CDC20: variants seen among roughly 807,000 people sequenced by gnomAD.
The protein encoded by CDC20 is cell division cycle protein 20 homolog.
A neutral mutation model predicts 60.0 loss-of-function variants in CDC20; 34 were observed. The observed-to-expected ratio is 0.57, with a 90% CI of 0.43 to 0.75. CDC20 has a LOEUF of 0.75. CDC20 is among the 30% of genes least tolerant of loss of function. The pLI, the probability that CDC20 is intolerant of heterozygous loss-of-function variation, is 0.00. For synonymous variants in CDC20, 198 were observed against 243.5 expected, an observed-to-expected ratio of 0.81 and a Z score of 1.74; for missense variants, 469 against 647.3, an observed-to-expected ratio of 0.72 and a Z score of 2.99.
rs1450739297 is a variant in CDC20 at position 43,359,650 on chromosome 1, A to C, written c.330+12A>C. On this transcript the variant is annotated intron_variant, in intron 3 of 10. Coordinates refer to ENST00000310955, the MANE Select transcript of CDC20 (RefSeq NM_001255.3). Reference sequence around the variant, plus strand: ...CGCCCACCAAGAAGGTATGTGTCCCAGAGGGGCTTAAGGCACGGGACCTGA... The same window carrying C: ...CGCCCACCAAGAAGGTATGTGTCCCCGAGGGGCTTAAGGCACGGGACCTGA... 6.2e-7 allele frequency: 1 copy of C among 1,613,798 alleles called. No homozygotes were observed. The highest frequency in any genetic ancestry group is 8.5e-7 in the Non-Finnish European group (1 of 1,180,018).
intron 10 of CDC20, among the ~76,000 whole-genome samples, chr1:43,362,565 T>C (rs566060792): frequency 2.0e-5 from 3 of 152,230 alleles, no homozygotes; most frequent in Admixed American, 6.5e-5. Flanking sequence ...AGTAACACCA[T>C]TGAAAAAAAA....
chr1:43,359,374 C>T lies in CDC20; in HGVS notation c.159C>T (p.Gly53=). 2 of 1,612,886 alleles carry T rather than the reference C, an allele frequency of 1.2e-6. No individual in the cohort carries two copies. Among genetic ancestry groups the T allele is most frequent in the Non-Finnish European group, 1.7e-6 (2 of 1,179,584 alleles). The change falls in exon 2 of 11, where the codon GGC becomes GGT. Residue 53 remains glycine, a synonymous_variant. Coordinates refer to ENST00000310955, the MANE Select transcript of CDC20 (RefSeq NM_001255.3). ...MRAANRSHSA[G]RTPGRTPGKS... ...CCGCCAACCGATCCCACAGCGCCGG[C>T]AGGACTCCGGGCCGAACTCCTGGTC...
Position 43,360,296 on chromosome 1 carries a change from G to C in CDC20, c.660G>C (p.Leu220Phe), listed in dbSNP as rs774793275. The C allele has an allele frequency of 1.2e-6, 2 of 1,614,096 alleles. No individual in the cohort carries two copies. Among genetic ancestry groups the C allele is most frequent in the East Asian group, 4.5e-5 (2 of 44,904 alleles). ...GCTCTGGTGACATCCTGCAGCTTTT[G>C]CAAATGGAGCAGCCTGGGGAATATA... ...SASSGDILQL[L>F]QMEQPGEYIS... Residue 220 changes from leucine (L) to phenylalanine (F), a missense_variant, in exon 6 of 11, where the codon TTG becomes TTC. Physicochemically the swap from Leu to Phe is conservative, Grantham distance 22. Around this residue, in one of 5 missense-constraint regions of CDC20, gnomAD observed 255 missense variants for 326.7 expected, o/e 0.78. Coordinates refer to ENST00000310955, the MANE Select transcript of CDC20 (RefSeq NM_001255.3).
rs1035041436 is a variant in CDC20 at position 43,358,981 on chromosome 1, C to T, written c.-75C>T. ...AGGCGTAAGCCAGGCGTGTTAAAGC[C>T]GGTCGGAACTGCTCCGGAGGGCACG... is the stretch of plus-strand genomic sequence containing the variant. On this transcript the variant is annotated 5_prime_UTR_variant, in exon 1 of 11. Coordinates refer to ENST00000310955, the MANE Select transcript of CDC20 (RefSeq NM_001255.3). The T allele has an allele frequency of 5.1e-6, 3 of 590,640 alleles. No individual in the cohort carries two copies. The highest frequency in any genetic ancestry group is 3.1e-5 in the Admixed American group (1 of 32,648). 36.6% of individuals were successfully genotyped at this position (590,640 alleles called of 1,614,324 possible).
At position 43,360,501 on chromosome 1, in the gene CDC20, A is replaced by G. The variant is rs750654974; in HGVS notation, c.756A>G (p.Leu252=). The change falls in exon 7 of 11, where the codon CTA becomes CTG. Residue 252 remains leucine, a splice_region_variant and synonymous_variant. Coordinates refer to ENST00000310955, the MANE Select transcript of CDC20 (RefSeq NM_001255.3). The stretch of plus-strand genomic sequence containing the variant: ...TCCTAGTGGGCTTCTCTCTCTAGCT[A>G]TGGGATGTGCAGCAGCAGAAACGGC... ...AVGTSSAEVQ[L]WDVQQQKRLR... 1.5e-5 allele frequency: 25 copies of G among 1,613,418 alleles called. No homozygotes were observed. The highest frequency in any genetic ancestry group is 1.4e-5 in the Non-Finnish European group (17 of 1,179,508).
chr1:43,362,137 A>G (rs1364404856), intron 9 of CDC20, 58 bp from the exon 10 acceptor site: 2 of 978,310 alleles, frequency 2.0e-6, no homozygotes, highest in South Asian at 2.7e-5. Flanking sequence ...GAATGGGCTC[A>G]GTTCTGATTT....
rs1164813067 is a variant in CDC20, at chr1:43,360,062, G to A, written c.521G>A (p.Arg174His). 1.9e-6 allele frequency: 3 copies of A among 1,614,212 alleles called. No homozygotes were observed. The highest frequency in any genetic ancestry group is 2.2e-5 in the East Asian group (1 of 44,888). The change falls in exon 5 of 11, where the codon CGT (arginine) becomes CAT (histidine). Residue 174 changes from arginine to histidine, a missense_variant. Arg to His is a conservative substitution (Grantham distance 29). Coordinates refer to ENST00000310955, the MANE Select transcript of CDC20 (RefSeq NM_001255.3). Reference sequence around the variant, plus strand: ...CGTTACATTCCTTCCCTGCCAGACCGTATCCTGGATGCGCCTGAAATCCGA... The same window carrying A: ...CGTTACATTCCTTCCCTGCCAGACCATATCCTGGATGCGCCTGAAATCCGA... ...TCRYIPSLPDRILDAPEIRND... is the reference protein window; with the variant it reads ...TCRYIPSLPDHILDAPEIRND...
In CDC20 at chr1:43,360,599, T is replaced by G; in HGVS notation, c.848+6T>G. The G allele has an allele frequency of 1.9e-6, 3 of 1,610,472 alleles. No individual in the cohort carries two copies. Among genetic ancestry groups the G allele is most frequent in the Non-Finnish European group, 2.5e-6 (3 of 1,176,610 alleles). On this transcript the variant is annotated splice_donor_region_variant and intron_variant, in intron 7 of 10. Coordinates refer to ENST00000310955, the MANE Select transcript of CDC20 (RefSeq NM_001255.3). ...AACAGCTATATCCTGTCCAGGTCAG[T>G]GGTTTTTGTTGGTCTATGGTAGTCT...
Position 43,359,794 on chromosome 1 carries a change from A to C in CDC20, c.400A>C (p.Ser134Arg), listed in dbSNP as rs1227989386. 1 of 1,613,844 alleles carries C rather than the reference A, an allele frequency of 6.2e-7. No homozygotes were observed. Among genetic ancestry groups the C allele is most frequent in the East Asian group, 2.2e-5 (1 of 44,898 alleles). ...DVEEAKILRL[S>R]GKPQNAPEGY... ...AGAGGAAGCCAAGATCCTTCGGCTCAGTGGAAAACCACAAAATGCGCCAGA... is the reference window on the plus strand; with the variant it reads ...AGAGGAAGCCAAGATCCTTCGGCTCCGTGGAAAACCACAAAATGCGCCAGA... Residue 134 changes from serine (S) to arginine (R), a missense_variant, in exon 4 of 11, where the codon AGT becomes CGT. Ser to Arg is a moderately radical substitution (Grantham distance 110). Around this residue, in one of 5 missense-constraint regions of CDC20, gnomAD observed 7 missense variants for 30.8 expected, o/e 0.23. Transcript: ENST00000310955.
At position 43,360,547 on chromosome 1, in the gene CDC20, T is replaced by C. The variant is rs752281358; in HGVS notation, c.802T>C (p.Ser268Pro). ...QKRLRNMTSH[S>P]ARVGSLSWNS... ...ACGGCTTCGAAATATGACCAGTCAC[T>C]CTGCCCGAGTGGGCTCCCTAAGCTG... The change falls in exon 7 of 11, where the codon TCT becomes CCT. Residue 268 changes from serine (S) to proline (P), a missense_variant. Physicochemically the swap from Ser to Pro is moderately conservative, Grantham distance 74 (BLOSUM62 -1). Around this residue, in one of 5 missense-constraint regions of CDC20, gnomAD observed 255 missense variants for 326.7 expected, o/e 0.78. Coordinates refer to ENST00000310955, the MANE Select transcript of CDC20 (RefSeq NM_001255.3). 8.7e-6 allele frequency: 14 copies of C among 1,614,048 alleles called. No homozygotes were observed. The highest frequency in any genetic ancestry group is 1.2e-5 in the Non-Finnish European group (14 of 1,180,006).
At chr1:43,362,067 T>C in intron 9 of CDC20, 128 bp from the exon 10 acceptor site, 2 of 595,282 alleles carry the variant, frequency 3.4e-6, no homozygotes, top group South Asian at 5.3e-5. Flanking sequence ...AAGGAACTTT[T>C]GTATGGACTA....
In CDC20 at chr1:43,360,906, G is replaced by T. The variant is rs1647169860; in HGVS notation, c.1022G>T (p.Gly341Val). ...NLVNVWPSAP[G>V]EGGWVPLQTF... is the part of the protein sequence containing the mutation. Reference sequence around the variant, plus strand: ...GTCAATGTGTGGCCTAGTGCTCCTGGAGAGGGTGGCTGGGTTCCTCTGCAG... The same window carrying T: ...GTCAATGTGTGGCCTAGTGCTCCTGTAGAGGGTGGCTGGGTTCCTCTGCAG... The change falls in exon 8 of 11, where the codon GGA becomes GTA. Residue 341 changes from glycine (G) to valine (V), a missense_variant. Physicochemically the swap from Gly to Val is moderately radical, Grantham distance 109. Transcript: ENST00000310955. 6.2e-7 allele frequency: 1 copy of T among 1,614,054 alleles called. No individual in the cohort carries two copies. Among genetic ancestry groups the T allele is most frequent in the Admixed American group, 1.7e-5 (1 of 60,008 alleles).
In CDC20 at chr1:43,360,492, T is replaced by G. The variant is rs372638134; in HGVS notation, c.754-7T>G. On this transcript the variant is annotated splice_region_variant and splice_polypyrimidine_tract_variant and intron_variant, in intron 6 of 10. Coordinates refer to ENST00000310955, the MANE Select transcript of CDC20 (RefSeq NM_001255.3). ...AATCTCTGATCCTAGTGGGCTTCTCTCTCTAGCTATGGGATGTGCAGCAGC... is the reference window on the plus strand; with the variant it reads ...AATCTCTGATCCTAGTGGGCTTCTCGCTCTAGCTATGGGATGTGCAGCAGC... 4 of 1,612,832 alleles carry G rather than the reference T, an allele frequency of 2.5e-6. No homozygotes were observed. The African/African-American group carries it at 5.3e-5, about 22-fold the overall frequency.
Position 43,360,304 on chromosome 1 carries a change from A to T in CDC20, c.668A>T (p.Glu223Val). Residue 223 changes from glutamate (E) to valine (V), a missense_variant, in exon 6 of 11, where the codon GAG (glutamate) becomes GTG (valine). Glu to Val is a moderately radical substitution (Grantham distance 121). Transcript: ENST00000310955. ...GACATCCTGCAGCTTTTGCAAATGGAGCAGCCTGGGGAATATATATCCTCT... is the reference window on the plus strand; with the variant it reads ...GACATCCTGCAGCTTTTGCAAATGGTGCAGCCTGGGGAATATATATCCTCT... Reference protein sequence around the residue: ...SGDILQLLQMEQPGEYISSVA... With the variant: ...SGDILQLLQMVQPGEYISSVA... 2 of 1,614,202 alleles carry T rather than the reference A, an allele frequency of 1.2e-6. No individual in the cohort carries two copies. Among genetic ancestry groups the T allele is most frequent in the Non-Finnish European group, 1.7e-6 (2 of 1,180,028 alleles).
rs780979788 is a variant in CDC20 at position 43,361,249 on chromosome 1, A to G, written c.1203+4A>G. 28 of 1,593,118 alleles carry G rather than the reference A, an allele frequency of 1.8e-5. No individual in the cohort carries two copies. Among genetic ancestry groups the G allele is most frequent in the African/African-American group, 4.0e-5 (3 of 74,404 alleles). On this transcript the variant is annotated splice_donor_region_variant and intron_variant, in intron 9 of 10. Coordinates refer to ENST00000310955, the MANE Select transcript of CDC20 (RefSeq NM_001255.3). ...TGCCGTGGATGCCCATTCCCAGGTA[A>G]TCTTTTGCCTGTTCCTGCCTCTCCC...
rs1647158211 is a variant in CDC20 at position 43,359,232 on chromosome 1, T to C, written c.17T>C (p.Phe6Ser). 1 of 1,611,652 alleles carries C rather than the reference T, an allele frequency of 6.2e-7. No individual in the cohort carries two copies. Among genetic ancestry groups the C allele is most frequent in the Admixed American group, 1.7e-5 (1 of 60,024 alleles). The change falls in exon 2 of 11, where the codon TTC becomes TCC. Residue 6 changes from phenylalanine (F) to serine (S), a missense_variant. Phe to Ser is a radical substitution (Grantham distance 155, BLOSUM62 -2). Around this residue, in one of 5 missense-constraint regions of CDC20, gnomAD observed 115 missense variants for 156.1 expected, o/e 0.74. Coordinates refer to ENST00000310955, the MANE Select transcript of CDC20 (RefSeq NM_001255.3). ...GGCGCTCCCATGGCACAGTTCGCGT[T>C]CGAGAGTGACCTGCACTCGCTGCTT... MAQFA[F>S]ESDLHSLLQL...
Position 43,360,075 on chromosome 1 carries a change from G to T in CDC20, c.534G>T (p.Ala178=), listed in dbSNP as rs763340986. ...CCCTGCCAGACCGTATCCTGGATGC[G>T]CCTGAAATCCGAAATGACTATTGTA... ...IPSLPDRILD[A]PEIRNDYYLN... The change falls in exon 5 of 11, where the codon GCG becomes GCT. Residue 178 remains alanine (A), a synonymous_variant. Coordinates refer to ENST00000310955, the MANE Select transcript of CDC20 (RefSeq NM_001255.3). 34 of 1,614,052 alleles carry T rather than the reference G, an allele frequency of 2.1e-5. No homozygotes were observed. Among genetic ancestry groups the T allele is most frequent in the Non-Finnish European group, 2.9e-5 (34 of 1,180,048 alleles).
In CDC20 at chr1:43,362,250, T is replaced by A. The variant is rs762132307; in HGVS notation, c.1259T>A (p.Phe420Tyr). 1.6e-5 allele frequency: 25 copies of A among 1,612,648 alleles called. No homozygotes were observed. In the South Asian group the frequency reaches 2.5e-4, roughly 16 times the overall value. Reference protein sequence around the residue: ...HYKELISGHGFAQNQLVIWKY... With the variant: ...HYKELISGHGYAQNQLVIWKY... ...AAGGAGCTCATCTCAGGCCATGGCT[T>A]TGCACAGAACCAGCTAGTTATTTGG... The change falls in exon 10 of 11, where the codon TTT (phenylalanine) becomes TAT (tyrosine). Residue 420 changes from phenylalanine (F) to tyrosine (Y), a missense_variant. This residue lies in a region of CDC20 where 20 missense variants were observed against 55.8 expected (regional missense o/e 0.36). Transcript: ENST00000310955.
At position 43,360,037 on chromosome 1, in the gene CDC20, C is replaced by G. The variant is rs774304982; in HGVS notation, c.496C>G (p.Arg166Gly). 6.2e-7 allele frequency: 1 copy of G among 1,614,046 alleles called. No individual in the cohort carries two copies. The highest frequency in any genetic ancestry group is 1.3e-5 in the African/African-American group (1 of 74,922). Residue 166 changes from arginine (R) to glycine (G), a missense_variant, in exon 5 of 11, where the codon CGT becomes GGT. Physicochemically the swap from Arg to Gly is moderately radical, Grantham distance 125. This residue lies in a region of CDC20 where 255 missense variants were observed against 326.7 expected (regional missense o/e 0.78). Transcript: ENST00000310955. ...TCCTGGCTCCAGCCGGAAGACCTGC[C>G]GTTACATTCCTTCCCTGCCAGACCG... ...ATPGSSRKTCRYIPSLPDRIL... is the reference protein window; with the variant it reads ...ATPGSSRKTCGYIPSLPDRIL...
Sources: gnomAD v4.1 joint callset for allele counts (sites outside exome capture counted in the v4.1 genomes callset) on GRCh38, gnomAD v4.1.1 for gene constraint, gnomAD v4.1.1 regional missense constraint, MANE v1.5 for transcripts, NCBI Gene and HGNC (gene_info 2026-07-23, HGNC 2026-07-21) for gene names.